The following STARD10 variants were observed in gnomAD, a reference collection of about 807,000 sequenced individuals.
The protein encoded by STARD10 is START domain-containing protein 10.
STARD10 carries 24 observed loss-of-function variants against 36.0 expected under a neutral mutation model. That is an observed-to-expected ratio of 0.67 (90% CI 0.48 to 0.94). The LOEUF is 0.94. STARD10 is among the 40% of genes least tolerant of loss of function. The pLI, the probability that STARD10 is intolerant of heterozygous loss-of-function variation, is 0.00. For synonymous variants in STARD10, 156 were observed against 161.9 expected, an observed-to-expected ratio of 0.96 and a Z score of 0.28; for missense variants, 335 against 396.6, an observed-to-expected ratio of 0.84 and a Z score of 1.32.
intron 2 of STARD10, among the ~76,000 whole-genome samples, chr11:72,770,456 G>C (rs1260116604): frequency 6.6e-6 from 1 of 152,208 alleles, no homozygotes; most frequent in Non-Finnish European, 1.5e-5. Context: ...GGCCTCAAGT[G>C]ATCCACCCAT....
chr11:72,764,525 C>T (rs796467298), intron 2 of STARD10, among the ~76,000 whole-genome samples: 165 of 152,340 alleles, frequency 1.1e-3, no homozygotes, highest in African/African-American at 3.6e-3. Flanking sequence ...CAGGCCGGGT[C>T]GTGGGGGTCA....
At chr11:72,788,230 G>A (rs750192233) in intron 1 of STARD10, among the ~76,000 whole-genome samples, 1 of 152,188 alleles carries the variant, frequency 6.6e-6, no homozygotes, top group African/African-American at 2.4e-5. Flanking sequence ...TTATCTGTCC[G>A]ATGGCACTAA....
chr11:72,758,758 C>G, intron 3 of STARD10, 125 bp from the exon 4 acceptor site: 1 of 664,222 alleles, frequency 1.5e-6, no homozygotes, highest in Non-Finnish European at 2.6e-6. Flanking sequence ...AAAGATACAC[C>G]TCCCTCCCAG....
chr11:72,768,647 T>C (rs7936972), intron 2 of STARD10, among the ~76,000 whole-genome samples: 19,459 of 152,198 alleles, frequency 0.13, 1,603 homozygotes, highest in African/African-American at 0.22. Flanking sequence ...GTCTTCAAAC[T>C]TCAGACTGGC....
intron 2 of STARD10, among the ~76,000 whole-genome samples, chr11:72,763,186 G>A (rs1270257821): frequency 2.6e-5 from 4 of 152,138 alleles, no homozygotes; most frequent in Admixed American, 2.6e-4. Flanking sequence ...GGCTCAATCT[G>A]AGATAAGCTG....
chr11:72,778,285 C>T (rs1438615306), intron 2 of STARD10, among the ~76,000 whole-genome samples: 3 of 152,210 alleles, frequency 2.0e-5, no homozygotes, highest in African/African-American at 7.2e-5. Flanking sequence ...AATAACATTA[C>T]CTCACTCAGC....
chr11:72,777,524 G>A (rs1208186968), intron 2 of STARD10, among the ~76,000 whole-genome samples: 2 of 152,240 alleles, frequency 1.3e-5, no homozygotes, highest in Admixed American at 1.3e-4. Flanking sequence ...TGAGAGACCT[G>A]AGTTCAGGCT....
At chr11:72,759,081 T>C in intron 3 of STARD10, 153 bp downstream of exon 3, 1 of 819,272 alleles carries the variant, frequency 1.2e-6, no homozygotes, top group East Asian at 2.7e-5. Flanking sequence ...GGTCTAGGAG[T>C]GGACAGGGAG....
In STARD10 at chr11:72,781,150, T is replaced by C. The variant is rs750273663; in HGVS notation, c.32A>G (p.Gln11Arg). Residue 11 changes from glutamine to arginine, a missense_variant, in exon 2 of 7, where the codon CAA (glutamine) becomes CGA (arginine). Physicochemically the swap from Gln to Arg is conservative, Grantham distance 43 (BLOSUM62 1). Coordinates refer to ENST00000334805, the MANE Select transcript of STARD10 (RefSeq NM_006645.3). The surrounding 1 kb of genome is among the most constrained non-coding windows in gnomAD (Gnocchi z 4.7). Reference protein sequence around the residue: MEKLAASTEPQGPRPVLGRES... With the variant: MEKLAASTEPRGPRPVLGRES... ...ACGGCCCAGGACCGGCCGAGGCCCT[T>C]GGGGCTCTGTAGAGGCCGCCAGCTT... The C allele has an allele frequency of 6.2e-7, 1 of 1,612,550 alleles. No individual in the cohort carries two copies. The highest frequency in any genetic ancestry group is 8.5e-7 in the Non-Finnish European group (1 of 1,179,964).
chr11:72,778,228 C>T (rs554322651), intron 2 of STARD10, among the ~76,000 whole-genome samples: 2 of 152,360 alleles, frequency 1.3e-5, no homozygotes, highest in African/African-American at 2.4e-5. Flanking sequence ...TGGAGCCAGG[C>T]TGGCATGGGT....
At chr11:72,762,127 T>C (rs958387779) in intron 2 of STARD10, among the ~76,000 whole-genome samples, 3 of 151,814 alleles carry the variant, frequency 2.0e-5, no homozygotes, top group Non-Finnish European at 4.4e-5. Flanking sequence ...GGTTTCACCA[T>C]GTTGGCCAGG....
At chr11:72,755,164 G>A (rs555363429) in intron 6 of STARD10, 22 bp from the exon 7 acceptor site, 4 of 1,599,202 alleles carry the variant, frequency 2.5e-6, no homozygotes, top group South Asian at 1.1e-5. Flanking sequence ...CCGCCCCGCC[G>A]GGTCAGGGGG....
chr11:72,784,170 T>C (rs1391864197), intron 1 of STARD10, among the ~76,000 whole-genome samples: 2 of 152,320 alleles, frequency 1.3e-5, no homozygotes, highest in Non-Finnish European at 1.5e-5. Context: ...AGCCCATTCA[T>C]ATCCTTCTCA....
intron 1 of STARD10, among the ~76,000 whole-genome samples, chr11:72,787,084 C>CA (rs765529093): frequency 0.39 from 27,985 of 71,366 alleles, 3,998 homozygotes; most frequent in East Asian, 0.53. Context: ...ACCCTGTGTC[C>CA]AAAAAAAAAA....
chr11:72,785,378 A>G (rs1859058239), intron 1 of STARD10, among the ~76,000 whole-genome samples: 1 of 151,904 alleles, frequency 6.6e-6, no homozygotes, highest in Non-Finnish European at 1.5e-5. Flanking sequence ...CAGCCTGGCC[A>G]ACATGGTGAA....
chr11:72,781,300 A>G lies in STARD10; in HGVS notation c.-113-6T>C, dbSNP rs1054996032. The G allele has an allele frequency of 1.2e-6, 1 of 855,850 alleles. No individual in the cohort carries two copies. Among genetic ancestry groups the G allele is most frequent in the African/African-American group, 1.7e-5 (1 of 59,330 alleles). The allele number at this position is 855,850 out of a possible 1,614,324, so 53.0% of individuals were successfully genotyped here. On this transcript the variant is annotated splice_polypyrimidine_tract_variant and splice_region_variant and intron_variant, in intron 1 of 6. Transcript: ENST00000334805. This position sits in a 1 kb window ranked among gnomAD's most constrained non-coding sequence, Gnocchi z 4.7. Reference sequence around the variant, plus strand: ...TGACGCCACCTTCCTGGGACCTGCAAGACCGGTTTGGGGACGGGAATCAGT... The same window carrying G: ...TGACGCCACCTTCCTGGGACCTGCAGGACCGGTTTGGGGACGGGAATCAGT...
intron 1 of STARD10, among the ~76,000 whole-genome samples, chr11:72,792,635 G>A (rs1335501890): frequency 6.6e-6 from 1 of 152,098 alleles, no homozygotes; most frequent in Non-Finnish European, 1.5e-5. Flanking sequence ...CACCTGGCTG[G>A]GGAGTGGCTC....
At chr11:72,776,096 C>A (rs1424747148) in intron 2 of STARD10, among the ~76,000 whole-genome samples, 1 of 152,194 alleles carries the variant, frequency 6.6e-6, no homozygotes, top group African/African-American at 2.4e-5. Context: ...CAGGTCCCCC[C>A]ATGCCAAGTC....
At position 72,781,168 on chromosome 11, in the gene STARD10, G is replaced by A. The variant is rs370360543; in HGVS notation, c.14C>T (p.Ala5Val). The A allele has an allele frequency of 1.9e-6, 3 of 1,610,570 alleles. No individual in the cohort carries two copies. Among genetic ancestry groups the A allele is most frequent in the Admixed American group, 1.7e-5 (1 of 60,028 alleles). MEKL[A>V]ASTEPQGPRP... ...AGGCCCTTGGGGCTCTGTAGAGGCC[G>A]CCAGCTTCTCCATGGGGAGTGTGGG... The change falls in exon 2 of 7, where the codon GCG becomes GTG. Residue 5 changes from alanine to valine, a missense_variant. Physicochemically the swap from Ala to Val is moderately conservative, Grantham distance 64 (BLOSUM62 0). Transcript: ENST00000334805. This position sits in a 1 kb window ranked among gnomAD's most constrained non-coding sequence, Gnocchi z 4.7.
Sources: allele counts gnomAD v4.1 joint callset (sites outside exome capture counted in the v4.1 genomes callset), GRCh38; gene constraint gnomAD v4.1.1; non-coding constraint Gnocchi (gnomAD v3.1); transcripts MANE v1.5; gene names NCBI Gene and HGNC (gene_info 2026-07-23, HGNC 2026-07-21).